The following CCSER1 variants were observed in gnomAD, a reference collection of about 807,000 sequenced individuals.
CCSER1 encodes coiled-coil serine rich protein 1.
Under a neutral mutation model 82.0 loss-of-function variants are expected in CCSER1, and 41 were observed. The observed-to-expected ratio is 0.50, with a 90% CI of 0.39 to 0.65. The LOEUF is 0.65. CCSER1 is among the 30% of genes least tolerant of loss of function. The probability of loss-of-function intolerance (pLI) is 0.00; values close to 1 mark genes in which losing one functional copy is unlikely to be tolerated. For missense variants in CCSER1, 1,119 were observed against 1,064.2 expected (o/e 1.05, Z -0.72); for synonymous variants, 414 against 383.9 (o/e 1.08, Z -0.92).
intron 9 of CCSER1, among the ~76,000 whole-genome samples, chr4:91,076,329 CA>C (rs1721992310): frequency 1.2e-5 from 1 of 85,848 alleles, no homozygotes. Context: ...TCCAACCATG[CA>C]GTTTTTTTTT....
chr4:91,418,310 A>AAC (rs1444111324), intron 10 of CCSER1, among the ~76,000 whole-genome samples: 1 of 150,764 alleles, frequency 6.6e-6, no homozygotes, highest in Non-Finnish European at 1.5e-5. Flanking sequence ...AATTAAAAAA[A>AAC]AAAAAAACAA....
At chr4:90,398,875 T>C (rs1752406719) in intron 3 of CCSER1, among the ~76,000 whole-genome samples, 1 of 152,252 alleles carries the variant, frequency 6.6e-6, no homozygotes, top group South Asian at 2.1e-4. Flanking sequence ...ATTTGAATTG[T>C]TAAAGAGGTT....
intron 8 of CCSER1, among the ~76,000 whole-genome samples, chr4:90,880,734 T>A (rs1021858555): frequency 2.0e-5 from 3 of 152,246 alleles, no homozygotes; most frequent in African/African-American, 7.2e-5. Context: ...GTAGGGCTGC[T>A]GAGGTATGCT....
chr4:90,795,287 CAAAA>C (rs55780432), intron 7 of CCSER1, among the ~76,000 whole-genome samples: 15 of 127,590 alleles, frequency 1.2e-4, no homozygotes, highest in African/African-American at 1.1e-4. Flanking sequence ...AACTCTGTCT[CAAAA>C]AAAAAAAAAA....
chr4:91,086,333 A>C (rs1047108996), intron 10 of CCSER1, among the ~76,000 whole-genome samples: 1 of 152,104 alleles, frequency 6.6e-6, no homozygotes, highest in African/African-American at 2.4e-5. Flanking sequence ...CTTACTGAGA[A>C]GTTAACAAAA....
rs1760303615 is a variant in CCSER1 at position 91,519,055 on chromosome 4, G to T, written c.2218-79517G>T. 3.3e-5 allele frequency among the ~76,000 whole-genome samples: 5 copies of T among 152,302 alleles called. No individual in the cohort carries two copies. The South Asian group carries it at 1.0e-3, about 32-fold the overall frequency. On this transcript the variant is annotated intron_variant, in intron 10 of 10. Coordinates refer to ENST00000509176, the MANE Select transcript of CCSER1 (RefSeq NM_001145065.2). The stretch of plus-strand genomic sequence containing the variant: ...CATCTGCAATGGCAAAGGGGTTGTG[G>T]GTTGAGTGGGATTTTCTCCTTGGAG...
intron 10 of CCSER1, among the ~76,000 whole-genome samples, chr4:91,373,108 T>C (rs1183966770): frequency 6.6e-6 from 1 of 152,108 alleles, no homozygotes; most frequent in Non-Finnish European, 1.5e-5. Context: ...CTATTTGCTA[T>C]TTGGAACTTT....
At chr4:91,029,184 A>C (rs1037255831) in intron 9 of CCSER1, among the ~76,000 whole-genome samples, 2 of 151,990 alleles carry the variant, frequency 1.3e-5, no homozygotes, top group African/African-American at 4.8e-5. Flanking sequence ...CTCATTAAAT[A>C]GATTCATATT....
Position 90,728,177 on chromosome 4 carries a change from C to A in CCSER1, c.2010+4186C>A, listed in dbSNP as rs1320320152. On this transcript the variant is annotated intron_variant, in intron 7 of 10. Transcript: ENST00000509176. Reference sequence around the variant, plus strand: ...GGAATGCACAATGGCACCACCCTCTCCAAGGTATGGCCACATTCCCAAGGA... The same window carrying A: ...GGAATGCACAATGGCACCACCCTCTACAAGGTATGGCCACATTCCCAAGGA... 2.6e-5 allele frequency among the ~76,000 whole-genome samples: 4 copies of A among 152,308 alleles called. No individual in the cohort carries two copies. The East Asian group carries it at 7.7e-4, about 29-fold the overall frequency.
intron 9 of CCSER1, among the ~76,000 whole-genome samples, chr4:91,046,938 G>T (rs752353991): frequency 6.6e-6 from 1 of 151,794 alleles, no homozygotes; most frequent in African/African-American, 2.4e-5. Flanking sequence ...AGATGGTCTC[G>T]ATCTCCTGAT....
At chr4:91,150,997 G>A (rs1378108383) in intron 10 of CCSER1, among the ~76,000 whole-genome samples, 1 of 152,126 alleles carries the variant, frequency 6.6e-6, no homozygotes, top group Non-Finnish European at 1.5e-5. Context: ...AATGAGTTAG[G>A]GAGGATTCCC....
intron 10 of CCSER1, among the ~76,000 whole-genome samples, chr4:91,395,305 T>C (rs757345436): frequency 7.2e-5 from 11 of 152,056 alleles, no homozygotes; most frequent in Non-Finnish European, 1.5e-4. Flanking sequence ...TAGTACACCA[T>C]CACCCGTGCC....
intron 10 of CCSER1, among the ~76,000 whole-genome samples, chr4:91,091,774 T>C (rs897795810): frequency 3.3e-5 from 5 of 152,094 alleles, no homozygotes; most frequent in Admixed American, 2.6e-4. Context: ...AGGATAACGG[T>C]CTTGGGTCCC....
chr4:91,261,329 G>A (rs1741116590), intron 10 of CCSER1, among the ~76,000 whole-genome samples: 1 of 152,074 alleles, frequency 6.6e-6, no homozygotes, highest in African/African-American at 2.4e-5. Context: ...AAGTTCTTAG[G>A]TCAATTCCAA....
intron 5 of CCSER1, among the ~76,000 whole-genome samples, chr4:90,477,155 TAG>T (rs756609404): frequency 6.6e-6 from 1 of 152,234 alleles, no homozygotes; most frequent in East Asian, 1.9e-4. Flanking sequence ...TTCTATAATT[TAG>T]GTTTTAGTAT....
chr4:91,399,687 T>A (rs1752202786), intron 10 of CCSER1, among the ~76,000 whole-genome samples: 1 of 151,976 alleles, frequency 6.6e-6, no homozygotes, highest in South Asian at 2.1e-4. Context: ...TCTTCTCCAA[T>A]TCTCTCTTCT....
chr4:90,221,466 A>G (rs1223974035), intron 1 of CCSER1, among the ~76,000 whole-genome samples: 1 of 152,166 alleles, frequency 6.6e-6, no homozygotes, highest in Non-Finnish European at 1.5e-5. Context: ...ATTTTCACAC[A>G]TAGGCAGTGC....
At chr4:91,102,424 A>G (rs1294837022) in intron 10 of CCSER1, among the ~76,000 whole-genome samples, 1 of 152,074 alleles carries the variant, frequency 6.6e-6, no homozygotes, top group Non-Finnish European at 1.5e-5. Context: ...AATGAAGCAT[A>G]TTTTTCTTGT....
chr4:91,403,265 A>C (rs1328134901), intron 10 of CCSER1, among the ~76,000 whole-genome samples: 2 of 152,162 alleles, frequency 1.3e-5, no homozygotes, highest in African/African-American at 4.8e-5. Context: ...GACTTTGCTG[A>C]AGTCGCTTAT....
Sources: gnomAD v4.1 joint callset for allele counts (sites outside exome capture counted in the v4.1 genomes callset) on GRCh38, gnomAD v4.1.1 for gene constraint, MANE v1.5 for transcripts, NCBI Gene and HGNC (gene_info 2026-07-23, HGNC 2026-07-21) for gene names.